NCKAP5: variants seen among roughly 807,000 people sequenced by gnomAD.
The protein encoded by NCKAP5 is NCK associated protein 5.
Under a neutral mutation model 167.0 loss-of-function variants are expected in NCKAP5, and 92 were observed. The ratio of observed to expected loss-of-function variants is 0.55; its 90% CI spans 0.47 to 0.66. NCKAP5 has a LOEUF of 0.66. NCKAP5 is among the 30% of genes least tolerant of loss of function. The pLI is 0.00. For synonymous variants in NCKAP5, 891 were observed against 877.4 expected (o/e 1.02, Z -0.27); for missense variants, 2,378 against 2,315.0 (o/e 1.03, Z -0.56).
intron 6 of NCKAP5, 93 bp downstream of exon 6, chr2:133,129,885 C>A (rs2149793944): frequency 7.3e-7 from 1 of 1,371,964 alleles, no homozygotes; most frequent in East Asian, 2.7e-5. Flanking sequence ...TCAAACACAA[C>A]AGAAGCTTAC....
chr2:132,990,648 CAAT>C (rs1228323884), intron 7 of NCKAP5, among the ~76,000 whole-genome samples: 1 of 152,044 alleles, frequency 6.6e-6, no homozygotes, highest in Admixed American at 6.6e-5. Context: ...CTAGAGAGGA[CAAT>C]GAGATGTGAT....
At chr2:132,794,648 T>TACAC (rs4057986) in intron 12 of NCKAP5, among the ~76,000 whole-genome samples, 2,043 of 142,522 alleles carry the variant, frequency 0.014, 33 homozygotes, top group African/African-American at 0.032. Context: ...CAACAACAAA[T>TACAC]ACACACACAC....
At chr2:133,200,939 C>T (rs371144368) in intron 5 of NCKAP5, among the ~76,000 whole-genome samples, 3 of 152,296 alleles carry the variant, frequency 2.0e-5, no homozygotes, top group African/African-American at 7.2e-5. Flanking sequence ...CCTGAAACCA[C>T]ATGTAGTACC....
At chr2:133,293,640 G>T (rs1010493378) in intron 4 of NCKAP5, among the ~76,000 whole-genome samples, 4 of 152,118 alleles carry the variant, frequency 2.6e-5, no homozygotes, top group Admixed American at 2.6e-4. Flanking sequence ...AGTATCCTTT[G>T]GTGGATAGCT....
Position 133,434,337 on chromosome 2 carries a change from C to G in NCKAP5, c.69+83121G>C, listed in dbSNP as rs544130591. ...TTAACTACAGGTAAACAAATAACTG[C>G]ATTCTATAAATAATTTCAAGGAAAG... On this transcript the variant is annotated intron_variant, in intron 3 of 19. Coordinates refer to ENST00000409261, the MANE Select transcript of NCKAP5 (RefSeq NM_207363.3). Among the ~76,000 whole-genome samples the G allele has an allele frequency of 1.9e-4, 29 of 152,270 alleles. 1 individual carries two copies. The highest frequency in any genetic ancestry group is 3.2e-4 in the Non-Finnish European group (22 of 68,014).
At chr2:132,794,740 G>A (rs1684444627) in intron 12 of NCKAP5, among the ~76,000 whole-genome samples, 7 of 151,768 alleles carry the variant, frequency 4.6e-5, no homozygotes, top group Middle Eastern at 3.4e-3. Flanking sequence ...GTCTCCCTAC[G>A]GGACCCTGTT....
intron 7 of NCKAP5, among the ~76,000 whole-genome samples, chr2:132,969,257 G>A (rs537336200): frequency 2.6e-5 from 4 of 152,010 alleles, no homozygotes; most frequent in Non-Finnish European, 5.9e-5. Flanking sequence ...AGGCTGGTCT[G>A]TAACTCCTGA....
chr2:132,868,808 C>T (rs138540981), intron 10 of NCKAP5, 128 bp downstream of exon 10: 208 of 585,426 alleles, frequency 3.6e-4, no homozygotes, highest in South Asian at 1.1e-3. Context: ...AAAACACAAA[C>T]GATTTTCACT....
chr2:133,569,114 A>T (rs1272707826), upstream of NCKAP5, among the ~76,000 whole-genome samples: 3 of 152,190 alleles, frequency 2.0e-5, no homozygotes, highest in Non-Finnish European at 4.4e-5. Context: ...CAAAAAACAA[A>T]TAAATAAGAA....
the NCKAP5 span, among the ~76,000 whole-genome samples, chr2:133,623,153 A>G: frequency 6.6e-6 from 1 of 152,234 alleles, no homozygotes; most frequent in African/African-American, 2.4e-5. Flanking sequence ...AATCAACTCA[A>G]GATGAATCAA....
chr2:133,198,705 C>T (rs1156244067), intron 5 of NCKAP5, among the ~76,000 whole-genome samples: 1 of 152,086 alleles, frequency 6.6e-6, no homozygotes, highest in East Asian at 1.9e-4. Context: ...TAAGATGTCA[C>T]TTCTGCCCAC....
chr2:133,153,829 CCTT>C (rs1455734600), intron 5 of NCKAP5, among the ~76,000 whole-genome samples: 38 of 129,946 alleles, frequency 2.9e-4, no homozygotes, highest in African/African-American at 9.8e-4. Flanking sequence ...AATAGTTCCT[CCTT>C]CTTTTTTTTT....
intron 5 of NCKAP5, among the ~76,000 whole-genome samples, chr2:133,197,403 C>T (rs1387594981): frequency 2.0e-5 from 3 of 152,198 alleles, no homozygotes; most frequent in Non-Finnish European, 4.4e-5. Flanking sequence ...TGAACCTCAC[C>T]TGGCCAATTG....
intron 3 of NCKAP5, among the ~76,000 whole-genome samples, chr2:133,337,190 C>G (rs1683270763): frequency 6.6e-6 from 1 of 152,156 alleles, no homozygotes; most frequent in Admixed American, 6.5e-5. Flanking sequence ...AGTACATGGA[C>G]TCACACTCAA....
chr2:133,082,355 A>G (rs2080838343), intron 6 of NCKAP5, among the ~76,000 whole-genome samples: 1 of 152,152 alleles, frequency 6.6e-6, no homozygotes, highest in Non-Finnish European at 1.5e-5. Flanking sequence ...GGTGAATACA[A>G]TGTGCTGAAG....
intron 3 of NCKAP5, among the ~76,000 whole-genome samples, chr2:133,478,283 A>G (rs1346191679): frequency 6.6e-6 from 1 of 152,158 alleles, no homozygotes; most frequent in Non-Finnish European, 1.5e-5. Context: ...TATTTCTAAT[A>G]CCTATTCCTG....
chr2:133,329,850 A>G (rs1191260083), intron 3 of NCKAP5, among the ~76,000 whole-genome samples: 1 of 151,954 alleles, frequency 6.6e-6, no homozygotes, highest in Non-Finnish European at 1.5e-5. Flanking sequence ...TCATGAATTC[A>G]CCTGTGGAAT....
intron 3 of NCKAP5, among the ~76,000 whole-genome samples, chr2:133,480,074 G>A (rs907857786): frequency 5.3e-5 from 8 of 151,860 alleles, no homozygotes; most frequent in African/African-American, 1.7e-4. Flanking sequence ...TGGGATTACA[G>A]GCATGTACCA....
chr2:133,615,358 T>C, the NCKAP5 span, among the ~76,000 whole-genome samples: 5 of 151,434 alleles, frequency 3.3e-5, no homozygotes, highest in African/African-American at 9.7e-5. Flanking sequence ...GACGGGCAAA[T>C]TGGATAAAGA....
Sources: allele counts gnomAD v4.1 joint callset (sites outside exome capture counted in the v4.1 genomes callset), GRCh38; gene constraint gnomAD v4.1.1; transcripts MANE v1.5; gene names NCBI Gene and HGNC (gene_info 2026-07-23, HGNC 2026-07-21).